Variants in KIAA1217 observed in about 807,000 individuals in gnomAD.
KIAA1217 encodes sickle tail protein homolog.
Under a neutral mutation model 163.9 loss-of-function variants are expected in KIAA1217, and 88 were observed. The ratio of observed to expected loss-of-function variants is 0.54; its 90% CI spans 0.45 to 0.64. The LOEUF (loss-of-function observed/expected upper bound fraction) is 0.64, where lower values mean the gene tolerates loss of function less well. Ranked by LOEUF, KIAA1217 falls within the 30% of genes least tolerant of loss-of-function variation. The pLI, the probability that KIAA1217 is intolerant of heterozygous loss-of-function variation, is 0.00. For synonymous variants in KIAA1217, 903 were observed against 923.1 expected (o/e 0.98, Z 0.39); for missense variants, 2,372 against 2,475.0 (o/e 0.96, Z 0.88).
At position 23,851,704 on chromosome 10, in the gene KIAA1217, T is replaced by G. The variant is rs535561972; in HGVS notation, c.-320-155521T>G. ...TTCCTGACTTTTTAATGATTGCCAT[T>G]CTAACTGGCGTGAGATGGTATCTCA... On this transcript the variant is annotated intron_variant, in intron 1 of 18. Transcript: ENST00000376462. Among the ~76,000 whole-genome samples, 3 of 152,356 alleles carry G rather than the reference T, an allele frequency of 2.0e-5. No individual in the cohort carries two copies. The South Asian group carries it at 6.2e-4, about 32-fold the overall frequency.
rs867372898 is a variant in KIAA1217, at chr10:23,790,399, A to G, written c.-321+95165A>G. On this transcript the variant is annotated intron_variant, in intron 1 of 18. Transcript: ENST00000376462. ...TATGTATATATACATATGTATATAT[A>G]CATATATACATATACATATATACAT... Among the ~76,000 whole-genome samples, 38 of 103,596 alleles carry G rather than the reference A, an allele frequency of 3.7e-4. 8 individuals are homozygous for G. Among genetic ancestry groups the G allele is most frequent in the Admixed American group, 6.1e-4 (6 of 9,760 alleles). The allele number at this position is 103,596 out of a possible 152,430, so 68.0% of individuals were successfully genotyped here.
intron 2 of KIAA1217, among the ~76,000 whole-genome samples, chr10:24,322,757 T>G (rs1019074660): frequency 6.6e-6 from 1 of 152,168 alleles, no homozygotes; most frequent in Non-Finnish European, 1.5e-5. Context: ...GCTGCTCATC[T>G]GAATCCTGAA....
At chr10:24,092,508 C>A (rs146364589) in intron 2 of KIAA1217, among the ~76,000 whole-genome samples, 8 of 151,858 alleles carry the variant, frequency 5.3e-5, no homozygotes, top group African/African-American at 1.9e-4. Context: ...ACTAACCTGT[C>A]CCTCAACCTA....
chr10:24,024,454 T>C (rs1179764399), intron 2 of KIAA1217, among the ~76,000 whole-genome samples: 3 of 151,774 alleles, frequency 2.0e-5, no homozygotes, highest in Non-Finnish European at 4.4e-5. Flanking sequence ...TGGGCATTAT[T>C]TTTATCCACG....
intron 2 of KIAA1217, among the ~76,000 whole-genome samples, chr10:24,016,378 C>T (rs1018215758): frequency 8.6e-5 from 13 of 152,036 alleles, no homozygotes; most frequent in Admixed American, 2.0e-4. Context: ...CAGTGATCAA[C>T]CAGCGATTGG....
At chr10:23,724,906 AC>A (rs1838053450) in intron 1 of KIAA1217, among the ~76,000 whole-genome samples, 1 of 152,080 alleles carries the variant, frequency 6.6e-6, no homozygotes, top group Admixed American at 6.6e-5. Flanking sequence ...TTGCAGGAGG[AC>A]TTGTATATCT....
intron 1 of KIAA1217, among the ~76,000 whole-genome samples, chr10:23,880,061 A>G (rs1840882780): frequency 6.6e-6 from 1 of 151,914 alleles, no homozygotes; most frequent in African/African-American, 2.4e-5. Context: ...ATAAGAAGCC[A>G]GGGCTTTAGA....
In KIAA1217 at chr10:24,545,082, G is replaced by A. The variant is rs779276930; in HGVS notation, c.5313G>A (p.Gln1771=). The A allele has an allele frequency of 6.2e-7, 1 of 1,614,116 alleles. No homozygotes were observed. Among genetic ancestry groups the A allele is most frequent in the Non-Finnish European group, 8.5e-7 (1 of 1,179,970 alleles). ...AACCCGGCAAGCAGTCCAAACTGCA[G>A]GATCCCCGCCAATATCGTCAGGTAG... is the stretch of plus-strand genomic sequence containing the variant. ...LDKPGKQSKL[Q]DPRQYRQANG... Residue 1771 remains glutamine (Q), a synonymous_variant, in exon 20 of 21, where the codon CAG becomes CAA. Coordinates refer to ENST00000376454, the MANE Select transcript of KIAA1217 (RefSeq NM_019590.5).
intron 1 of KIAA1217, among the ~76,000 whole-genome samples, chr10:23,866,340 T>C (rs1166839125): frequency 6.6e-6 from 1 of 152,190 alleles, no homozygotes; most frequent in African/African-American, 2.4e-5. Flanking sequence ...TCTAGATGAT[T>C]CTACAGTACT....
chr10:23,723,598 G>T (rs1291242323), intron 1 of KIAA1217, among the ~76,000 whole-genome samples: 1 of 152,094 alleles, frequency 6.6e-6, no homozygotes, highest in Non-Finnish European at 1.5e-5. Flanking sequence ...AGTTAAGACT[G>T]GTTCGTGAGT....
intron 1 of KIAA1217, among the ~76,000 whole-genome samples, chr10:23,696,277 C>T (rs1364296099): frequency 6.6e-6 from 1 of 152,216 alleles, no homozygotes; most frequent in East Asian, 1.9e-4. Context: ...CGTGGGCCAG[C>T]TCGCCTACCC....
chr10:23,717,746 A>G (rs1210726029), intron 1 of KIAA1217, among the ~76,000 whole-genome samples: 1 of 152,134 alleles, frequency 6.6e-6, no homozygotes, highest in African/African-American at 2.4e-5. Flanking sequence ...GAAATCCTCT[A>G]CCCTTGGCAA....
Position 24,524,668 on chromosome 10 carries a change from G to A in KIAA1217, c.2802G>A (p.Gln934=). 1 of 1,614,176 alleles carries A rather than the reference G, an allele frequency of 6.2e-7. No individual in the cohort carries two copies. The highest frequency in any genetic ancestry group is 8.5e-7 in the Non-Finnish European group (1 of 1,180,024). The change falls in exon 13 of 21, where the codon CAG becomes CAA. Residue 934 remains glutamine, a synonymous_variant. Transcript: ENST00000376454. The part of the protein sequence containing the change: ...TSTLQMSQAP[Q]SPQIPMNGSA... ...CTCTGCAGATGTCGCAGGCTCCGCA[G>A]TCCCCACAGATACCCATGAATGGGT...
intron 2 of KIAA1217, among the ~76,000 whole-genome samples, chr10:24,034,235 G>C (rs959375953): frequency 3.6e-4 from 55 of 152,182 alleles, no homozygotes; most frequent in African/African-American, 1.3e-3. Context: ...CATAACAAGT[G>C]GGGGTCTTCT....
At chr10:24,209,359 G>GT (rs1288155394) in intron 1 of KIAA1217, 96 bp downstream of exon 1, 53 of 648,760 alleles carry the variant, frequency 8.2e-5, no homozygotes, top group East Asian at 1.3e-4. Flanking sequence ...ACCCGGCAAA[G>GT]GAAAAAAAAA....
intron 1 of KIAA1217, among the ~76,000 whole-genome samples, chr10:23,880,948 C>G (rs1050413750): frequency 6.6e-6 from 1 of 151,808 alleles, no homozygotes; most frequent in Non-Finnish European, 1.5e-5. Context: ...GTGGAGTTCT[C>G]AACAGGTGAA....
chr10:24,075,940 A>AT (rs111465483), intron 2 of KIAA1217, among the ~76,000 whole-genome samples: 23,949 of 150,448 alleles, frequency 0.16, 3,857 homozygotes, highest in African/African-American at 0.42. Context: ...ATGAACCTTA[A>AT]TTTTTTTTTT....
chr10:24,278,389 T>C (rs2077540306), intron 2 of KIAA1217, among the ~76,000 whole-genome samples: 1 of 152,230 alleles, frequency 6.6e-6, no homozygotes, highest in South Asian at 2.1e-4. Flanking sequence ...AATTTACTCA[T>C]GAGCTGTGTG....
chr10:24,298,708 G>C (rs897792682), intron 2 of KIAA1217, among the ~76,000 whole-genome samples: 1 of 152,164 alleles, frequency 6.6e-6, no homozygotes, highest in Non-Finnish European at 1.5e-5. Flanking sequence ...TGAGGCAGGA[G>C]AATCACTTGA....
Sources: allele counts gnomAD v4.1 joint callset (sites outside exome capture counted in the v4.1 genomes callset), GRCh38; gene constraint gnomAD v4.1.1; transcripts MANE v1.5; gene names NCBI Gene and HGNC (gene_info 2026-07-23, HGNC 2026-07-21).